Variants in ATP13A3 observed in about 807,000 individuals in gnomAD.
The protein encoded by ATP13A3 is polyamine-transporting ATPase 13A3.
A neutral mutation model predicts 158.1 loss-of-function variants in ATP13A3; 59 were observed. The ratio of observed to expected loss-of-function variants is 0.37; its 90% CI spans 0.30 to 0.46. ATP13A3 has a LOEUF of 0.46. ATP13A3 is among the 20% of genes least tolerant of loss of function. The pLI is 1.00. For missense variants in ATP13A3, 1,166 were observed against 1,525.2 expected (o/e 0.76, Z 3.92); for synonymous variants, 491 against 504.3 (o/e 0.97, Z 0.35).
chr3:194,437,705 G>A, intron 17 of ATP13A3, 132 bp from the exon 18 acceptor site: 1 of 920,312 alleles, frequency 1.1e-6, no homozygotes. Context: ...TCAAAGTCAG[G>A]ATTCAAGATT....
At chr3:194,412,739 G>T (rs73069186) in intron 32 of ATP13A3, 2,640 of 168,690 alleles carry the variant, frequency 0.016, 83 homozygotes, top group African/African-American at 0.06. Context: ...TGTAGAAAAA[G>T]AAACATTTTA....
In ATP13A3 at chr3:194,450,263, G is replaced by C. The variant is rs920067609; in HGVS notation, c.852C>G (p.Ile284Met). Residue 284 changes from isoleucine to methionine, a missense_variant, in exon 11 of 34, where the codon ATC becomes ATG. This residue lies in a region of ATP13A3 where 997 missense variants were observed against 1,341.2 expected (regional missense o/e 0.74). Coordinates refer to ENST00000645319, the MANE Select transcript of ATP13A3 (RefSeq NM_001367549.1). Reference protein sequence around the residue: ...VCRVNEEIEEIFSTDLVPGDV... With the variant: ...VCRVNEEIEEMFSTDLVPGDV... Reference sequence around the variant, plus strand: ...CTCCTGGCACAAGGTCGGTAGAAAAGATTTCTTCTATTTCTGAAATTAAAG... The same window carrying C: ...CTCCTGGCACAAGGTCGGTAGAAAACATTTCTTCTATTTCTGAAATTAAAG... The C allele has an allele frequency of 6.2e-6, 10 of 1,611,638 alleles. No individual in the cohort carries two copies. The highest frequency in any genetic ancestry group is 8.5e-6 in the Non-Finnish European group (10 of 1,178,426).
intron 15 of ATP13A3, 52 bp downstream of exon 15, chr3:194,444,673 G>A: frequency 6.9e-7 from 1 of 1,453,444 alleles, no homozygotes; most frequent in Non-Finnish European, 9.4e-7. Context: ...TGTTGCACAT[G>A]TTAAAATATT....
At chr3:194,486,180 A>G (rs1280053023) in intron 1 of ATP13A3, among the ~76,000 whole-genome samples, 1 of 152,100 alleles carries the variant, frequency 6.6e-6, no homozygotes, top group African/African-American at 2.4e-5. Context: ...AAATGCGGAG[A>G]TGGCAAGCAG....
chr3:194,464,215 T>G (rs1719853811), intron 2 of ATP13A3, among the ~76,000 whole-genome samples: 1 of 152,150 alleles, frequency 6.6e-6, no homozygotes, highest in Admixed American at 6.5e-5. Context: ...ATAATTTCAC[T>G]CCTAACTACG....
In ATP13A3 at chr3:194,469,196, G is replaced by A. The variant is rs547768517; in HGVS notation, c.-46-6960C>T. On this transcript the variant is annotated intron_variant, in intron 2 of 33. Coordinates refer to ENST00000645319, the MANE Select transcript of ATP13A3 (RefSeq NM_001367549.1). ...TTCACAGCTGGGTGCAGTGGCTCAC[G>A]CCTATAATCCCAGCACTTTGAGAGG... Among the ~76,000 whole-genome samples the A allele has an allele frequency of 1.2e-3, 178 of 151,268 alleles. 1 individual carries two copies. The highest frequency in any genetic ancestry group is 4.0e-3 in the African/African-American group (166 of 41,188).
At chr3:194,456,809 T>C (rs1719263378) in intron 7 of ATP13A3, among the ~76,000 whole-genome samples, 2 of 152,040 alleles carry the variant, frequency 1.3e-5, no homozygotes, top group Non-Finnish European at 2.9e-5. Flanking sequence ...CTATGACACA[T>C]CCCAATCTCA....
chr3:194,423,313 G>C (rs927495294), intron 30 of ATP13A3, among the ~76,000 whole-genome samples: 15 of 152,190 alleles, frequency 9.9e-5, no homozygotes, highest in Non-Finnish European at 1.5e-5. Flanking sequence ...CTAAGGCTGA[G>C]ATTAATTCTT....
chr3:194,423,697 C>G (rs1421221104), intron 30 of ATP13A3, among the ~76,000 whole-genome samples: 1 of 152,024 alleles, frequency 6.6e-6, no homozygotes, highest in East Asian at 1.9e-4. Flanking sequence ...ATCCAGTGGC[C>G]AAAAATAGTG....
chr3:194,437,376 C>CT lies in ATP13A3; in HGVS notation c.1933dup (p.Arg645LysfsTer19). ...TCCTTTCATGTAGGCGTCCATTTTC[C>CT]TATCCCCCAGCACCCTGGCAACCAC... On this transcript the variant is annotated frameshift_variant, in exon 19 of 34. Transcript: ENST00000645319. LOFTEE classifies it high-confidence loss of function. The CT allele has an allele frequency of 6.2e-7, 1 of 1,614,188 alleles. No homozygotes were observed. Among genetic ancestry groups the CT allele is most frequent in the African/African-American group, 1.3e-5 (1 of 75,052 alleles).
upstream of ATP13A3, among the ~76,000 whole-genome samples, chr3:194,489,421 C>T (rs577452543): frequency 5.1e-4 from 78 of 152,042 alleles, no homozygotes; most frequent in African/African-American, 1.8e-3. The surrounding 1 kb of genome is among the most constrained non-coding windows in gnomAD (Gnocchi z 4.1). Context: ...CCACTCTGGC[C>T]AAGAAGAGCA....
intron 33 of ATP13A3, among the ~76,000 whole-genome samples, chr3:194,411,106 C>T (rs953870937): frequency 1.3e-5 from 2 of 151,616 alleles, no homozygotes; most frequent in Non-Finnish European, 1.5e-5. Context: ...CATCATTATT[C>T]ACCATAAAGC....
Position 194,494,250 on chromosome 3 carries a change from T to A in ATP13A3, n.546A>T, listed in dbSNP as rs1020990078. 11 of 398,488 alleles carry A rather than the reference T, an allele frequency of 2.8e-5. No homozygotes were observed. Among genetic ancestry groups the A allele is most frequent in the Non-Finnish European group, 4.9e-5 (11 of 226,116 alleles). 24.7% of individuals were successfully genotyped at this position (398,488 alleles called of 1,614,324 possible). A position where few individuals can be genotyped will look rare whatever the true frequency, so the allele number is the denominator to read the frequency against. On this transcript the variant is annotated non_coding_transcript_exon_variant, in exon 2 of 33. Coordinates refer to the ATP13A3 transcript ENST00000687055. This position sits in a 1 kb window ranked among gnomAD's most constrained non-coding sequence, Gnocchi z 4.2. ...CAGCCACATCTGGATCCTCAGCCCC[T>A]CACAGCACACAGCGGTAGTCAGAAA...
At chr3:194,443,250 T>C (rs754338274) in intron 15 of ATP13A3, among the ~76,000 whole-genome samples, 5 of 152,118 alleles carry the variant, frequency 3.3e-5, no homozygotes, top group Non-Finnish European at 7.4e-5. Flanking sequence ...TTACAGTCCA[T>C]AGGTTTGTTT....
At chr3:194,476,806 AAAT>A (rs937809806) in intron 2 of ATP13A3, among the ~76,000 whole-genome samples, 18 of 151,090 alleles carry the variant, frequency 1.2e-4, no homozygotes, top group Middle Eastern at 3.4e-3. Flanking sequence ...GAACTAGATT[AAAT>A]AATATTAAGC....
chr3:194,493,822 AAGT>A (rs1303440747), intron 2 of ATP13A3, among the ~76,000 whole-genome samples: 2 of 152,130 alleles, frequency 1.3e-5, no homozygotes, highest in African/African-American at 2.4e-5. Flanking sequence ...CCAACACTAA[AAGT>A]AGTAGTGACT....
intron 2 of ATP13A3, among the ~76,000 whole-genome samples, chr3:194,478,193 T>C (rs1720606695): frequency 6.6e-6 from 1 of 152,078 alleles, no homozygotes; most frequent in African/African-American, 2.4e-5. Flanking sequence ...AACTCATTTG[T>C]TAGAATGGTA....
intron 16 of ATP13A3, among the ~76,000 whole-genome samples, chr3:194,440,850 A>T (rs1197518026): frequency 1.3e-5 from 2 of 152,272 alleles, no homozygotes; most frequent in Non-Finnish European, 2.9e-5. Flanking sequence ...TAGAAATTAA[A>T]AGTCCCAATG....
chr3:194,431,267 A>G, intron 22 of ATP13A3, 41 bp from the exon 23 acceptor site: 1 of 1,527,330 alleles, frequency 6.5e-7, no homozygotes, highest in Non-Finnish European at 8.9e-7. Context: ...TAGGCAACCA[A>G]ACCAAGTAAA....
Sources: allele counts gnomAD v4.1 joint callset (sites outside exome capture counted in the v4.1 genomes callset), GRCh38; gene constraint gnomAD v4.1.1; regional missense constraint gnomAD v4.1.1; non-coding constraint Gnocchi (gnomAD v3.1); transcripts MANE v1.5; gene names NCBI Gene and HGNC (gene_info 2026-07-23, HGNC 2026-07-21).